TAFA1: variants seen among roughly 807,000 people sequenced by gnomAD.
TAFA1 encodes chemokine-like protein TAFA-1.
In TAFA1, 4 loss-of-function variants were observed where a neutral mutation model predicts 18.5. That is an observed-to-expected ratio of 0.22 (90% CI 0.11 to 0.49). The LOEUF (loss-of-function observed/expected upper bound fraction) is 0.49. Ranked by LOEUF, TAFA1 falls within the 20% of genes least tolerant of loss-of-function variation. TAFA1 has a pLI of 0.98. For synonymous variants in TAFA1, 56 were observed against 55.2 expected, an observed-to-expected ratio of 1.01 and a Z score of -0.06; for missense variants, 147 against 169.0, an observed-to-expected ratio of 0.87 and a Z score of 0.72.
chr3:68,094,813 C>G (rs1249204841), intron 2 of TAFA1, among the ~76,000 whole-genome samples: 2 of 152,164 alleles, frequency 1.3e-5, no homozygotes, highest in Non-Finnish European at 2.9e-5. Context: ...TTCACTATCA[C>G]AGGTGTTAAC....
intron 2 of TAFA1, among the ~76,000 whole-genome samples, chr3:68,189,763 G>C (rs1272965956): frequency 6.6e-6 from 1 of 151,916 alleles, no homozygotes; most frequent in Non-Finnish European, 1.5e-5. Flanking sequence ...CTTCCTCATA[G>C]GCTGCTTCAA....
At chr3:68,452,308 A>T (rs2106898469) in intron 3 of TAFA1, among the ~76,000 whole-genome samples, 1 of 152,190 alleles carries the variant, frequency 6.6e-6, no homozygotes, top group East Asian at 1.9e-4. Flanking sequence ...GGATCACCTG[A>T]GGTCAGGAGT....
intron 2 of TAFA1, among the ~76,000 whole-genome samples, chr3:68,162,495 C>T (rs1255811448): frequency 4.6e-5 from 7 of 152,160 alleles, no homozygotes; most frequent in Admixed American, 4.6e-4. Context: ...CTCCATGGAC[C>T]AGTGCCTGTC....
chr3:68,343,913 G>T (rs137925129), intron 2 of TAFA1, among the ~76,000 whole-genome samples: 3 of 152,106 alleles, frequency 2.0e-5, no homozygotes, highest in African/African-American at 7.2e-5. Context: ...TCATGATCTC[G>T]GCTCACCGCA....
At chr3:68,257,718 G>C (rs2067327039) in intron 2 of TAFA1, among the ~76,000 whole-genome samples, 1 of 152,226 alleles carries the variant, frequency 6.6e-6, no homozygotes. Context: ...TTCCCCTAGA[G>C]TATGGGCTAG....
At chr3:68,462,526 C>T (rs2071804402) in intron 3 of TAFA1, among the ~76,000 whole-genome samples, 1 of 152,116 alleles carries the variant, frequency 6.6e-6, no homozygotes, top group South Asian at 2.1e-4. Flanking sequence ...CTTTCCTTTA[C>T]AAATTATGCT....
Position 68,024,307 on chromosome 3 carries a change from TTAA to T in TAFA1, c.118+17565_118+17567del, listed in dbSNP as rs1182659375. 1.3e-5 allele frequency among the ~76,000 whole-genome samples: 2 copies of T among 151,992 alleles called. 1 individual carries two copies. Among genetic ancestry groups the T allele is most frequent in the Middle Eastern group, 6.3e-3 (2 of 316 alleles). ...GGATGCTGGCTTTGGAAGAAAAAAATTAATGAAGCTTGGAAAACAGTGATAGCA... is the reference window on the plus strand; with the variant it reads ...GGATGCTGGCTTTGGAAGAAAAAAATTGAAGCTTGGAAAACAGTGATAGCA... On this transcript the variant is annotated intron_variant, in intron 2 of 4. Coordinates refer to ENST00000478136, the MANE Select transcript of TAFA1 (RefSeq NM_213609.4).
chr3:68,086,618 G>A (rs1282739109), intron 2 of TAFA1, among the ~76,000 whole-genome samples: 2 of 152,168 alleles, frequency 1.3e-5, no homozygotes, highest in South Asian at 2.1e-4. Flanking sequence ...TATTTTAAAA[G>A]TATCTTTATT....
intron 2 of TAFA1, among the ~76,000 whole-genome samples, chr3:68,128,608 G>T (rs1252483667): frequency 6.6e-6 from 1 of 152,152 alleles, no homozygotes; most frequent in Non-Finnish European, 1.5e-5. Context: ...GCACCTGATT[G>T]TCTGCCAAAT....
chr3:68,510,611 A>C (rs1442997759), intron 3 of TAFA1, among the ~76,000 whole-genome samples: 1 of 152,102 alleles, frequency 6.6e-6, no homozygotes, highest in African/African-American at 2.4e-5. Flanking sequence ...AATATTGCTA[A>C]ATAGGTTATA....
At chr3:68,200,554 T>A (rs1367351287) in intron 2 of TAFA1, among the ~76,000 whole-genome samples, 2 of 151,632 alleles carry the variant, frequency 1.3e-5, no homozygotes, top group Non-Finnish European at 3.0e-5. Context: ...CATATGCAAG[T>A]TTTGGCAGAG....
intron 3 of TAFA1, among the ~76,000 whole-genome samples, chr3:68,487,274 T>A (rs1379709155): frequency 6.6e-6 from 1 of 152,220 alleles, no homozygotes; most frequent in African/African-American, 2.4e-5. Flanking sequence ...ATCATCTTTT[T>A]TATAACACAC....
chr3:68,519,065 T>C (rs1259103300), intron 3 of TAFA1, among the ~76,000 whole-genome samples: 1 of 152,246 alleles, frequency 6.6e-6, no homozygotes, highest in East Asian at 1.9e-4. Context: ...TGGTCTATAA[T>C]ACAATATGTA....
At chr3:68,478,520 G>A (rs1010742350) in intron 3 of TAFA1, among the ~76,000 whole-genome samples, 2 of 152,172 alleles carry the variant, frequency 1.3e-5, no homozygotes, top group Non-Finnish European at 2.9e-5. Flanking sequence ...GAAGCTAAAA[G>A]TTGAAATAGT....
At chr3:68,331,856 CTTTT>C (rs60291932) in intron 2 of TAFA1, among the ~76,000 whole-genome samples, 5 of 76,204 alleles carry the variant, frequency 6.6e-5, no homozygotes, top group South Asian at 6.2e-4. Context: ...CTTTTCTTTT[CTTTT>C]TTTTTTTTTT....
intron 2 of TAFA1, among the ~76,000 whole-genome samples, chr3:68,338,144 T>G (rs558652413): frequency 1.3e-5 from 2 of 152,368 alleles, no homozygotes; most frequent in East Asian, 3.9e-4. Flanking sequence ...TGCCTGTTGT[T>G]AACAACACTT....
intron 2 of TAFA1, among the ~76,000 whole-genome samples, chr3:68,239,003 C>G: frequency 6.6e-6 from 1 of 152,124 alleles, no homozygotes. Context: ...AATTTCTAAA[C>G]AGGCATTCCC....
chr3:68,486,185 T>C (rs929639126), intron 3 of TAFA1, among the ~76,000 whole-genome samples: 32 of 151,572 alleles, frequency 2.1e-4, no homozygotes, highest in African/African-American at 7.5e-4. Flanking sequence ...CAGGCTGATC[T>C]CAAACTTCTG....
At chr3:68,512,734 G>T in intron 3 of TAFA1, among the ~76,000 whole-genome samples, 1 of 150,924 alleles carries the variant, frequency 6.6e-6, no homozygotes, top group Admixed American at 6.6e-5. Flanking sequence ...TTAATGTCCA[G>T]GACCTTATAA....
Sources: allele counts gnomAD v4.1 joint callset (sites outside exome capture counted in the v4.1 genomes callset), GRCh38; gene constraint gnomAD v4.1.1; transcripts MANE v1.5; gene names NCBI Gene and HGNC (gene_info 2026-07-23, HGNC 2026-07-21).